The following CTNNA2 variants were observed in gnomAD, a reference collection of about 807,000 sequenced individuals.
The protein encoded by CTNNA2 is catenin alpha 2.
Under a neutral mutation model 101.0 loss-of-function variants are expected in CTNNA2, and 42 were observed. That is an observed-to-expected ratio of 0.42 (90% CI 0.32 to 0.54). The LOEUF (loss-of-function observed/expected upper bound fraction) is 0.54. Among genes scored for constraint, CTNNA2 ranks in the 20% least tolerant of loss-of-function variants. CTNNA2 has a pLI of 0.14. For missense variants in CTNNA2, 871 were observed against 1,223.1 expected, an observed-to-expected ratio of 0.71 and a Z score of 4.29; for synonymous variants, 450 against 456.4, an observed-to-expected ratio of 0.99 and a Z score of 0.18.
chr2:79,822,000 G>A (rs1490702359), intron 3 of CTNNA2, among the ~76,000 whole-genome samples: 1 of 152,120 alleles, frequency 6.6e-6, no homozygotes, highest in Admixed American at 6.6e-5. Context: ...AATCATTTCA[G>A]TTATACTTTA....
intron 9 of CTNNA2, among the ~76,000 whole-genome samples, chr2:80,436,744 T>C (rs1404575146): frequency 2.0e-5 from 3 of 152,124 alleles, no homozygotes; most frequent in South Asian, 2.1e-4. Context: ...TCTCCTCATA[T>C]GATGGAAGAG....
intron 4 of CTNNA2, among the ~76,000 whole-genome samples, chr2:79,415,898 T>C (rs1393230369): frequency 6.6e-6 from 1 of 152,188 alleles, no homozygotes; most frequent in Non-Finnish European, 1.5e-5. Context: ...ATATTTGTTA[T>C]TCCTTGGAAG....
Position 80,552,742 on chromosome 2 carries a change from T to C in CTNNA2, c.1541-2951T>C, listed in dbSNP as rs1036661212. Among the ~76,000 whole-genome samples, 12 of 152,294 alleles carry C rather than the reference T, an allele frequency of 7.9e-5. No homozygotes were observed. In the East Asian group the frequency reaches 2.3e-3, roughly 29 times the overall value. Reference sequence around the variant, plus strand: ...TACAGCACGTTACTGTACTGAATACTGTAAGCAATTGGAATACAATAGTAA... The same window carrying C: ...TACAGCACGTTACTGTACTGAATACCGTAAGCAATTGGAATACAATAGTAA... On this transcript the variant is annotated intron_variant, in intron 11 of 18. Coordinates refer to ENST00000402739, the MANE Select transcript of CTNNA2 (RefSeq NM_001282597.3).
intron 15 of CTNNA2, among the ~76,000 whole-genome samples, chr2:80,592,447 T>C (rs1266962141): frequency 6.6e-6 from 1 of 152,298 alleles, no homozygotes; most frequent in African/African-American, 2.4e-5. Context: ...ACCTTTAGGC[T>C]TCTGTCCTAA....
chr2:79,432,459 T>C (rs1164558571), intron 4 of CTNNA2, among the ~76,000 whole-genome samples: 2 of 152,228 alleles, frequency 1.3e-5, no homozygotes, highest in African/African-American at 2.4e-5. Flanking sequence ...TCTAGATTTA[T>C]GTTATTCCTT....
intron 6 of CTNNA2, among the ~76,000 whole-genome samples, chr2:79,877,038 TTA>T (rs1404058632): frequency 1.3e-5 from 2 of 151,528 alleles, no homozygotes; most frequent in East Asian, 1.9e-4. Flanking sequence ...TATTAACTAA[TTA>T]TATTACTTAT....
intron 8 of CTNNA2, among the ~76,000 whole-genome samples, chr2:80,393,770 CTTA>C (rs1228330528): frequency 2.6e-5 from 4 of 152,154 alleles, no homozygotes; most frequent in Non-Finnish European, 4.4e-5. Flanking sequence ...AGAAAGTTTG[CTTA>C]TCAGATGGTT....
intron 7 of CTNNA2, among the ~76,000 whole-genome samples, chr2:80,043,022 T>G (rs181782737): frequency 2.3e-5 from 1 of 44,192 alleles, no homozygotes; most frequent in Non-Finnish European, 3.9e-5. Context: ...TCTTTCCCTT[T>G]CTTTCTTTCT....
rs549083885 is a variant in CTNNA2 at position 79,301,688 on chromosome 2, G to T, written c.-405-11021G>T. Among the ~76,000 whole-genome samples, 22 of 152,152 alleles carry T rather than the reference G, an allele frequency of 1.4e-4. No individual in the cohort carries two copies. In the South Asian group the frequency reaches 4.6e-3, roughly 32 times the overall value. On this transcript the variant is annotated intron_variant, in intron 2 of 21. Transcript: ENST00000466387. Reference sequence around the variant, plus strand: ...TCTCCCCTGTCTCCCCTTGAGTACAGTCAGAATATAATCCCTGTGAAGCTT... The same window carrying T: ...TCTCCCCTGTCTCCCCTTGAGTACATTCAGAATATAATCCCTGTGAAGCTT...
Position 79,800,159 on chromosome 2 carries a change from G to T in CTNNA2, c.298+55577G>T, listed in dbSNP as rs143560715. On this transcript the variant is annotated intron_variant, in intron 3 of 18. Coordinates refer to ENST00000402739, the MANE Select transcript of CTNNA2 (RefSeq NM_001282597.3). Reference sequence around the variant, plus strand: ...AGAACTCTTTAAGATGCAGAGTATGGTGATTCTAATTCAAATTTGAAAAGA... The same window carrying T: ...AGAACTCTTTAAGATGCAGAGTATGTTGATTCTAATTCAAATTTGAAAAGA... Among the ~76,000 whole-genome samples, 484 of 152,284 alleles carry T rather than the reference G, an allele frequency of 3.2e-3. 2 individuals are homozygous for T. The highest frequency in any genetic ancestry group is 0.014 in the Middle Eastern group (4 of 294).
intron 9 of CTNNA2, among the ~76,000 whole-genome samples, chr2:80,434,382 G>A (rs1681828077): frequency 6.6e-6 from 1 of 151,764 alleles, no homozygotes; most frequent in Non-Finnish European, 1.5e-5. Flanking sequence ...ACTTTTAATT[G>A]CTTTTCATTC....
chr2:79,242,492 C>T (rs188174227), intron 2 of CTNNA2, among the ~76,000 whole-genome samples: 1 of 152,214 alleles, frequency 6.6e-6, no homozygotes, highest in African/African-American at 2.4e-5. Flanking sequence ...TCCACATACT[C>T]TCTGGAAATA....
At chr2:79,686,944 G>A (rs1248582980) in intron 2 of CTNNA2, among the ~76,000 whole-genome samples, 3 of 152,148 alleles carry the variant, frequency 2.0e-5, no homozygotes, top group Non-Finnish European at 2.9e-5. Context: ...GTTGCACCCA[G>A]TGGAAATGCT....
At chr2:80,104,530 T>A (rs928387300) in intron 7 of CTNNA2, among the ~76,000 whole-genome samples, 2 of 152,200 alleles carry the variant, frequency 1.3e-5, no homozygotes, top group Non-Finnish European at 1.5e-5. Context: ...GAATACAATT[T>A]TGTTTGTTGT....
intron 15 of CTNNA2, among the ~76,000 whole-genome samples, chr2:80,597,743 G>T (rs1461963310): frequency 6.6e-6 from 1 of 152,184 alleles, no homozygotes; most frequent in Non-Finnish European, 1.5e-5. Flanking sequence ...GATCATTAGA[G>T]AAATGCAATT....
chr2:79,264,695 G>C (rs1335677285), intron 2 of CTNNA2, among the ~76,000 whole-genome samples: 3 of 151,336 alleles, frequency 2.0e-5, no homozygotes, highest in Non-Finnish European at 4.4e-5. Context: ...AAGACCAAAG[G>C]TACCCTCGTC....
Position 79,613,059 on chromosome 2 carries a change from A to C in CTNNA2, c.-5-38493A>C, listed in dbSNP as rs189400734. ...CGAGTTGACTTCAGTAGATTTCTTC[A>C]CAAATACTTTCAGTAAGCAATTTTG... On this transcript the variant is annotated intron_variant, in intron 1 of 18. Transcript: ENST00000402739. Among the ~76,000 whole-genome samples, 27 of 152,220 alleles carry C rather than the reference A, an allele frequency of 1.8e-4. 1 individual carries two copies. The East Asian group carries it at 4.4e-3, about 25-fold the overall frequency.
chr2:79,490,761 G>C (rs927242453), intron 4 of CTNNA2, among the ~76,000 whole-genome samples: 1 of 152,110 alleles, frequency 6.6e-6, no homozygotes, highest in African/African-American at 2.4e-5. Context: ...TTATTCAAAG[G>C]CTTTTATTTT....
intron 7 of CTNNA2, among the ~76,000 whole-genome samples, chr2:80,352,066 C>T (rs1166970633): frequency 2.0e-5 from 3 of 152,126 alleles, no homozygotes; most frequent in Admixed American, 6.6e-5. Context: ...AACCCTCATT[C>T]ACCTTGAGTG....
Sources: allele counts gnomAD v4.1 joint callset (sites outside exome capture counted in the v4.1 genomes callset), GRCh38; gene constraint gnomAD v4.1.1; transcripts MANE v1.5; gene names NCBI Gene and HGNC (gene_info 2026-07-23, HGNC 2026-07-21).